The following PCDH15 variants were observed in gnomAD, a reference collection of about 807,000 sequenced individuals.
The protein encoded by PCDH15 is protocadherin related 15.
PCDH15 carries 129 observed loss-of-function variants against 178.5 expected under a neutral mutation model. The observed-to-expected ratio is 0.72, with a 90% CI of 0.63 to 0.84. The LOEUF is 0.84. Among genes scored for constraint, PCDH15 ranks in the 40% least tolerant of loss-of-function variants. The pLI is 0.00. For missense variants in PCDH15, 2,230 were observed against 2,099.9 expected (o/e 1.06, Z -1.21); for synonymous variants, 800 against 732.0 (o/e 1.09, Z -1.50).
chr10:55,238,747 A>G (rs1164971174), intron 1 of PCDH15, among the ~76,000 whole-genome samples: 1 of 151,932 alleles, frequency 6.6e-6, no homozygotes, highest in Non-Finnish European at 1.5e-5. Flanking sequence ...TGGGTACATA[A>G]TCATTGTATG....
chr10:54,967,280 G>C (rs1040177437), intron 2 of PCDH15, among the ~76,000 whole-genome samples: 2 of 152,072 alleles, frequency 1.3e-5, no homozygotes, highest in African/African-American at 4.8e-5. Context: ...GCATAACTGT[G>C]TATTAAATTG....
rs370254934 is a variant in PCDH15 at position 54,353,712 on chromosome 10, C to T, written c.475-7228G>A. 2.2e-4 allele frequency among the ~76,000 whole-genome samples: 34 copies of T among 151,898 alleles called. No individual in the cohort carries two copies. The East Asian group carries it at 3.7e-3, about 17-fold the overall frequency. ...CTGTTTCATTAATGTTTTTCAGATT[C>T]CCTTTAACATAATATGGTTTTCATA... is the stretch of plus-strand genomic sequence containing the variant. On this transcript the variant is annotated intron_variant, in intron 5 of 37. Coordinates refer to ENST00000644397, the MANE Select transcript of PCDH15 (RefSeq NM_001384140.1).
chr10:53,817,264 C>T (rs536835183), intron 34 of PCDH15, among the ~76,000 whole-genome samples: 46 of 152,254 alleles, frequency 3.0e-4, no homozygotes, highest in African/African-American at 1.1e-3. Flanking sequence ...ACTAGGTTCG[C>T]AGTGACTTCA....
intron 3 of PCDH15, among the ~76,000 whole-genome samples, chr10:54,871,617 A>G (rs1954042848): frequency 6.6e-6 from 1 of 152,070 alleles, no homozygotes; most frequent in Admixed American, 6.6e-5. Context: ...TTAGATACAT[A>G]TGTTTAGGTT....
At chr10:54,982,035 G>C (rs1245670830) in intron 2 of PCDH15, among the ~76,000 whole-genome samples, 1 of 151,646 alleles carries the variant, frequency 6.6e-6, no homozygotes, top group African/African-American at 2.4e-5. Context: ...CTCCCAAACT[G>C]CTAGGATTAC....
rs373636065 is a variant in PCDH15 at position 54,479,825 on chromosome 10, C to T, written c.157+47987G>A. ...TAAACATATAGTAAGCATTTTCTTA[C>T]AACTGTGAGTGTAAATGATGTCACA... On this transcript the variant is annotated intron_variant, in intron 3 of 37. Transcript: ENST00000644397. Among the ~76,000 whole-genome samples, 36 of 152,108 alleles carry T rather than the reference C, an allele frequency of 2.4e-4. No homozygotes were observed. In the East Asian group the frequency reaches 3.3e-3, roughly 14 times the overall value.
chr10:54,543,162 C>G (rs1293477724), intron 2 of PCDH15, among the ~76,000 whole-genome samples: 2 of 152,140 alleles, frequency 1.3e-5, no homozygotes, highest in South Asian at 4.1e-4. Flanking sequence ...TTCTGGCTCC[C>G]CCATTGGCTG....
intron 1 of PCDH15, among the ~76,000 whole-genome samples, chr10:54,767,172 C>A (rs17508576): frequency 6.6e-6 from 1 of 151,774 alleles, no homozygotes; most frequent in Non-Finnish European, 1.5e-5. Flanking sequence ...AAATTTATTA[C>A]GAGTTCAAAA....
intron 8 of PCDH15, among the ~76,000 whole-genome samples, chr10:54,284,999 CTA>C: frequency 6.6e-6 from 1 of 152,212 alleles, no homozygotes; most frequent in Non-Finnish European, 1.5e-5. Flanking sequence ...TTTATGTTGA[CTA>C]TGCAAATTTC....
At chr10:54,907,653 A>C (rs577777811) in intron 2 of PCDH15, among the ~76,000 whole-genome samples, 79 of 152,306 alleles carry the variant, frequency 5.2e-4, no homozygotes, top group African/African-American at 1.9e-3. Context: ...AAAAAATATG[A>C]AATTTATCCT....
At chr10:55,147,384 A>G (rs1449899184) in intron 2 of PCDH15, among the ~76,000 whole-genome samples, 1 of 151,676 alleles carries the variant, frequency 6.6e-6, no homozygotes, top group Non-Finnish European at 1.5e-5. Flanking sequence ...GTAACATAAC[A>G]TATAATTCAT....
chr10:54,874,434 C>G (rs1050801139), intron 3 of PCDH15, among the ~76,000 whole-genome samples: 1 of 151,308 alleles, frequency 6.6e-6, no homozygotes, highest in African/African-American at 2.4e-5. Flanking sequence ...AATAAACATA[C>G]GTGTGCATGT....
intron 2 of PCDH15, among the ~76,000 whole-genome samples, chr10:55,011,372 A>C (rs1840044203): frequency 1.3e-5 from 2 of 152,104 alleles, no homozygotes; most frequent in South Asian, 4.1e-4. Context: ...GAAATTATGA[A>C]ATTAAAATAT....
chr10:54,633,163 G>T (rs1590707506), intron 2 of PCDH15, among the ~76,000 whole-genome samples: 1 of 152,156 alleles, frequency 6.6e-6, no homozygotes, highest in South Asian at 2.1e-4. Context: ...GGAGTTAAAT[G>T]ATTTTATTTT....
chr10:53,851,791 T>C (rs1183039924), intron 28 of PCDH15, among the ~76,000 whole-genome samples: 1 of 148,744 alleles, frequency 6.7e-6, no homozygotes, highest in East Asian at 1.9e-4. Flanking sequence ...ATATATATCC[T>C]GGCTACATTT....
chr10:54,709,289 T>G (rs1321514877), intron 1 of PCDH15, among the ~76,000 whole-genome samples: 1 of 152,068 alleles, frequency 6.6e-6, no homozygotes, highest in Non-Finnish European at 1.5e-5. Flanking sequence ...AAGAATACTA[T>G]GATCGGTTCC....
chr10:54,619,825 T>C (rs961240696), intron 2 of PCDH15, among the ~76,000 whole-genome samples: 7 of 152,050 alleles, frequency 4.6e-5, no homozygotes, highest in Admixed American at 2.0e-4. Flanking sequence ...TTAATCTGTG[T>C]TCTAAATCTG....
rs1395606580 is a variant in PCDH15, at chr10:53,828,549, T to C, written c.4211+16A>G. On this transcript the variant is annotated intron_variant, in intron 31 of 37. Transcript: ENST00000644397. The stretch of plus-strand genomic sequence containing the variant: ...TATTACATGAAAAGGATGTGTAAAA[T>C]GTTAATTATACTTACACTTTAAACC... 1.3e-6 allele frequency: 2 copies of C among 1,549,520 alleles called. No individual in the cohort carries two copies. Among genetic ancestry groups the C allele is most frequent in the Non-Finnish European group, 1.8e-6 (2 of 1,122,026 alleles).
intron 3 of PCDH15, among the ~76,000 whole-genome samples, chr10:54,398,334 T>A (rs1416752778): frequency 6.6e-6 from 1 of 151,866 alleles, no homozygotes; most frequent in Non-Finnish European, 1.5e-5. Context: ...AAATCAAAAT[T>A]TGTGAAAAAA....
Sources: gnomAD v4.1 joint callset for allele counts (sites outside exome capture counted in the v4.1 genomes callset) on GRCh38, gnomAD v4.1.1 for gene constraint, MANE v1.5 for transcripts, NCBI Gene and HGNC (gene_info 2026-07-23, HGNC 2026-07-21) for gene names.